FNIP2: variants seen among roughly 807,000 people sequenced by gnomAD.
The protein encoded by FNIP2 is folliculin interacting protein 2.
A neutral mutation model predicts 108.7 loss-of-function variants in FNIP2; 32 were observed. The observed-to-expected ratio is 0.29, with a 90% CI of 0.22 to 0.40. The LOEUF is 0.40. Among genes scored for constraint, FNIP2 ranks in the 10% least tolerant of loss-of-function variants. The probability of loss-of-function intolerance (pLI) is 1.00; values close to 1 mark genes in which losing one functional copy is unlikely to be tolerated. For missense variants in FNIP2, 1,202 were observed against 1,381.6 expected, an observed-to-expected ratio of 0.87 and a Z score of 2.06; for synonymous variants, 480 against 496.7, an observed-to-expected ratio of 0.97 and a Z score of 0.45.
intron 14 of FNIP2, among the ~76,000 whole-genome samples, chr4:158,874,130 C>T (rs1239508083): frequency 1.3e-5 from 2 of 152,128 alleles, no homozygotes; most frequent in Non-Finnish European, 2.9e-5. Flanking sequence ...AATAAACTGG[C>T]ATTGCTAAGC....
At chr4:158,854,053 A>G (rs1280444694) in intron 8 of FNIP2, among the ~76,000 whole-genome samples, 1 of 152,238 alleles carries the variant, frequency 6.6e-6, no homozygotes, top group African/African-American at 2.4e-5. Context: ...AACAATCTTT[A>G]CATTCAATTT....
chr4:158,857,570 A>C (rs1361669258), intron 8 of FNIP2, among the ~76,000 whole-genome samples: 3 of 152,166 alleles, frequency 2.0e-5, no homozygotes, highest in African/African-American at 7.2e-5. Context: ...CCATACCTAC[A>C]TCTCCAGGAT....
chr4:158,833,878 T>G, intron 6 of FNIP2: 1 of 1,435,970 alleles, frequency 7.0e-7, no homozygotes, highest in Non-Finnish European at 9.2e-7. Flanking sequence ...CCGGAGTGCT[T>G]CTTTCTTTGC....
At chr4:158,844,812 T>C (rs933945220) in intron 7 of FNIP2, among the ~76,000 whole-genome samples, 24 of 152,132 alleles carry the variant, frequency 1.6e-4, no homozygotes, top group African/African-American at 5.6e-4. Context: ...GTAGCAAAAA[T>C]TTTTTTTCAG....
chr4:158,853,237 T>G (rs141094438), intron 8 of FNIP2, among the ~76,000 whole-genome samples: 31 of 152,326 alleles, frequency 2.0e-4, no homozygotes, highest in African/African-American at 7.0e-4. Context: ...TGGCTTTCAG[T>G]GGATATAATT....
chr4:158,825,802 A>G, intron 1 of FNIP2, 114 bp from the exon 2 acceptor site: 1 of 1,288,160 alleles, frequency 7.8e-7, no homozygotes, highest in African/African-American at 1.5e-5. Context: ...CTAGCCCTGC[A>G]TGCTTGTGGC....
intron 1 of FNIP2, among the ~76,000 whole-genome samples, chr4:158,802,241 G>A (rs903940401): frequency 1.3e-5 from 2 of 152,118 alleles, no homozygotes; most frequent in African/African-American, 4.8e-5. Context: ...CATTATGGAA[G>A]ATAGGGAATT....
chr4:158,844,946 C>G (rs1243223878), intron 7 of FNIP2, among the ~76,000 whole-genome samples: 2 of 152,154 alleles, frequency 1.3e-5, no homozygotes, highest in Non-Finnish European at 2.9e-5. Flanking sequence ...TAAATGGATG[C>G]TAGTTGAAGA....
chr4:158,872,754 A>T (rs1289590819), intron 14 of FNIP2: 37 of 952,470 alleles, frequency 3.9e-5, no homozygotes, highest in African/African-American at 2.9e-4. Context: ...TTTTTTTTAA[A>T]AAACAGGCTT....
At chr4:158,890,215 C>G in intron 14 of FNIP2, 1 of 985,210 alleles carries the variant, frequency 1.0e-6, no homozygotes. Flanking sequence ...GATTGCTGTT[C>G]CTTTCAATGG....
chr4:158,872,750 TTAA>T, intron 14 of FNIP2: 5 of 905,280 alleles, frequency 5.5e-6, no homozygotes, highest in Non-Finnish European at 6.6e-6. Context: ...TTTTTTTTTT[TTAA>T]AAAACAGGCT....
intron 1 of FNIP2, among the ~76,000 whole-genome samples, chr4:158,778,693 G>T (rs907659823): frequency 1.3e-5 from 2 of 152,062 alleles, no homozygotes; most frequent in East Asian, 3.8e-4. Flanking sequence ...GGTATGTATG[G>T]GAAAAAACAT....
At chr4:158,824,045 A>C (rs1296969825) in intron 1 of FNIP2, among the ~76,000 whole-genome samples, 2 of 152,222 alleles carry the variant, frequency 1.3e-5, no homozygotes, top group African/African-American at 4.8e-5. Flanking sequence ...CAAATCTGCT[A>C]CCCAAAAAGA....
chr4:158,810,007 A>G (rs1193555445), intron 1 of FNIP2, among the ~76,000 whole-genome samples: 1 of 152,244 alleles, frequency 6.6e-6, no homozygotes, highest in Non-Finnish European at 1.5e-5. Flanking sequence ...TAAGCTGACC[A>G]TGATTTTATG....
At position 158,791,266 on chromosome 4, in the gene FNIP2, CTTTTTTTTTTTTTTTT is replaced by C. The variant is rs199714823; in HGVS notation, c.107+21961_107+21976del. Among the ~76,000 whole-genome samples the C allele has an allele frequency of 2.2e-3, 220 of 98,084 alleles. 2 individuals carry two copies. Among genetic ancestry groups the C allele is most frequent in the African/African-American group, 8.0e-3 (199 of 24,938 alleles). The allele number at this position is 98,084 out of a possible 152,430, so 64.3% of individuals were successfully genotyped here. A position where few individuals can be genotyped will look rare whatever the true frequency, so the allele number is the denominator to read the frequency against. On this transcript the variant is annotated intron_variant, in intron 1 of 16. Transcript: ENST00000264433. ...AGATGTTCCTTCTGCACTGAGGATC[CTTTTTTTTTTTTTTTT>C]TTTTTTTTTTTTTCTTTTTGAGACA...
rs1578939748 is a variant in FNIP2 at position 158,866,482 on chromosome 4, T to G, written c.1466-1620T>G. On this transcript the variant is annotated intron_variant, in intron 12 of 16. Transcript: ENST00000264433. ...ATCCGCCCACCTCGGCCTCCCAAAG[T>G]GCTGGAATTACAGGTGTGAGCCACC... Among the ~76,000 whole-genome samples, 3 of 150,440 alleles carry G rather than the reference T, an allele frequency of 2.0e-5. No homozygotes were observed. The Middle Eastern group carries it at 0.011, about 533-fold the overall frequency.
chr4:158,786,663 ATT>A (rs1776234128), intron 1 of FNIP2, among the ~76,000 whole-genome samples: 1 of 151,990 alleles, frequency 6.6e-6, no homozygotes, highest in African/African-American at 2.4e-5. Flanking sequence ...AGTGGTTTTT[ATT>A]TTTAAAAAAA....
intron 12 of FNIP2, among the ~76,000 whole-genome samples, chr4:158,867,781 G>C (rs1312807073): frequency 6.6e-6 from 1 of 152,160 alleles, no homozygotes; most frequent in Non-Finnish European, 1.5e-5. Flanking sequence ...TCAGAGCTCT[G>C]GCTTTAGCCT....
chr4:158,799,484 A>T (rs543780185), intron 1 of FNIP2, among the ~76,000 whole-genome samples: 2 of 152,166 alleles, frequency 1.3e-5, no homozygotes, highest in East Asian at 3.9e-4. Flanking sequence ...TTCTGCAGCA[A>T]CTCTTCCAGA....
Sources: allele counts gnomAD v4.1 joint callset (sites outside exome capture counted in the v4.1 genomes callset), GRCh38; gene constraint gnomAD v4.1.1; transcripts MANE v1.5; gene names NCBI Gene and HGNC (gene_info 2026-07-23, HGNC 2026-07-21).